ANAPC15: variants seen among roughly 807,000 people sequenced by gnomAD.
ANAPC15 encodes the protein anaphase promoting complex subunit 15, also known as anaphase-promoting complex subunit 15.
In ANAPC15, 13 loss-of-function variants were observed where a neutral mutation model predicts 19.8. The ratio of observed to expected loss-of-function variants is 0.66; its 90% CI spans 0.43 to 1.04. ANAPC15 has a LOEUF of 1.04. Ranked by LOEUF, ANAPC15 falls within the 50% of genes least tolerant of loss-of-function variation. ANAPC15 has a pLI of 0.00. For synonymous variants in ANAPC15, 45 were observed against 50.7 expected, an observed-to-expected ratio of 0.89 and a Z score of 0.47; for missense variants, 88 against 150.3, an observed-to-expected ratio of 0.59 and a Z score of 2.17.
At position 72,111,146 on chromosome 11, in the gene ANAPC15, T is replaced by G. The variant is rs935782959; in HGVS notation, c.120+11A>C. Reference sequence around the variant, plus strand: ...GCTGAGGTCTCTGTGCTGTGCTAGCTGCTCACTCACCCAGGCCTGATGCTG... The same window carrying G: ...GCTGAGGTCTCTGTGCTGTGCTAGCGGCTCACTCACCCAGGCCTGATGCTG... On this transcript the variant is annotated intron_variant, in intron 3 of 5. Transcript: ENST00000227618. The G allele has an allele frequency of 6.5e-7, 1 of 1,538,448 alleles. No individual in the cohort carries two copies. The highest frequency in any genetic ancestry group is 9.0e-7 in the Non-Finnish European group (1 of 1,111,256).
At position 72,111,166 on chromosome 11, in the gene ANAPC15, A is replaced by ATGCTGCTGTTCCTGC; in HGVS notation, c.96_110dup (p.Gln32_Gln36dup). 1 of 1,596,204 alleles carries ATGCTGCTGTTCCTGC rather than the reference A, an allele frequency of 6.3e-7. No individual in the cohort carries two copies. Among genetic ancestry groups the ATGCTGCTGTTCCTGC allele is most frequent in the Non-Finnish European group, 8.6e-7 (1 of 1,164,338 alleles). On this transcript the variant is annotated inframe_insertion, in exon 3 of 6. Coordinates refer to ENST00000227618, the MANE Select transcript of ANAPC15 (RefSeq NM_014042.3). ...CTAGCTGCTCACTCACCCAGGCCTG[A>ATGCTGCTGTTCCTGC]TGCTGCTGTTCCTGCTGCTGCAGCT...
intron 3 of ANAPC15, 59 bp from the exon 4 acceptor site, chr11:72,110,662 T>C: frequency 6.3e-7 from 1 of 1,599,496 alleles, no homozygotes. Flanking sequence ...GTCAGGGGCA[T>C]GGGACTGGCC....
downstream of ANAPC15, chr11:72,108,629 G>T: frequency 6.7e-7 from 1 of 1,489,554 alleles, no homozygotes. Flanking sequence ...GGGCAGCTCA[G>T]AGGACGTGAT....
At chr11:72,107,166 C>A, downstream of ANAPC15, 1 of 437,110 alleles carries the variant, frequency 2.3e-6, no homozygotes, top group South Asian at 3.9e-5. Flanking sequence ...ACTGGAAATG[C>A]TGAGGTGGGA....
rs769123440 is a variant in ANAPC15, at chr11:72,110,533, G to C, written c.180+11C>G. On this transcript the variant is annotated intron_variant, in intron 4 of 5. Transcript: ENST00000227618. ...GCCCCCACACAGGCCCCACCTGCTA[G>C]AGCCACTCACCTCTGAGGCTGGCTT... 17 of 1,614,064 alleles carry C rather than the reference G, an allele frequency of 1.1e-5. No individual in the cohort carries two copies. The highest frequency in any genetic ancestry group is 1.4e-5 in the Non-Finnish European group (17 of 1,180,036).
chr11:72,106,984 G>A (rs1945753211), downstream of ANAPC15: 1 of 158,788 alleles, frequency 6.3e-6, no homozygotes, highest in South Asian at 2.0e-4. Flanking sequence ...GAAATTCACT[G>A]GCTGGGCATG....
chr11:72,110,553 T>C lies in ANAPC15; in HGVS notation c.171A>G (p.Pro57=). ...TGCTAGAGCCACTCACCTCTGAGGCTGGCTTGCCAATAGGAACCAGGTTGT... is the reference window on the plus strand; with the variant it reads ...TGCTAGAGCCACTCACCTCTGAGGCCGGCTTGCCAATAGGAACCAGGTTGT... ...KDNNLVPIGK[P]ASEHYDDEEE... The change falls in exon 4 of 6, where the codon CCA becomes CCG. Residue 57 remains proline, a synonymous_variant. Transcript: ENST00000227618. 1 of 1,614,236 alleles carries C rather than the reference T, an allele frequency of 6.2e-7. No homozygotes were observed. Among genetic ancestry groups the C allele is most frequent in the African/African-American group, 1.3e-5 (1 of 75,048 alleles).
At chr11:72,106,436 G>A, downstream of ANAPC15, 1 of 458,714 alleles carries the variant, frequency 2.2e-6, no homozygotes, top group Admixed American at 3.9e-5. Flanking sequence ...CCAGGGAGAG[G>A]GGTAGAGGCC....
downstream of ANAPC15, chr11:72,108,505 TA>T: frequency 1.9e-6 from 2 of 1,079,764 alleles, no homozygotes; most frequent in Non-Finnish European, 2.6e-6. Context: ...CATGGGAAGC[TA>T]AGCCAGGACC....
At chr11:72,110,510 C>T in intron 4 of ANAPC15, 34 bp downstream of exon 4, 4 of 1,613,504 alleles carry the variant, frequency 2.5e-6, no homozygotes, top group African/African-American at 2.7e-5. Flanking sequence ...CCACTGCGGC[C>T]CCCACACAGG....
At position 72,112,691 on chromosome 11, in the gene ANAPC15, C is replaced by A. The variant is rs1282688121; in HGVS notation, c.-137G>T. 2.2e-6 allele frequency: 1 copy of A among 456,724 alleles called. No individual in the cohort carries two copies. Among genetic ancestry groups the A allele is most frequent in the Admixed American group, 2.3e-5 (1 of 42,580 alleles). The allele number at this position is 456,724 out of a possible 1,614,324, so 28.3% of individuals were successfully genotyped here. A position where few individuals can be genotyped will look rare whatever the true frequency, so the allele number is the denominator to read the frequency against. On this transcript the variant is annotated 5_prime_UTR_variant, in exon 1 of 6. Coordinates refer to ENST00000227618, the MANE Select transcript of ANAPC15 (RefSeq NM_014042.3). ...TGCCGGCGGCGACCCGGAAGCGCTT[C>A]ACCCAGCCTGAGCGGAAGAACCCAC...
Position 72,111,421 on chromosome 11 carries a change from A to G in ANAPC15, c.-20T>C. The G allele has an allele frequency of 1.5e-6, 1 of 669,986 alleles. No homozygotes were observed. Among genetic ancestry groups the G allele is most frequent in the South Asian group, 1.8e-5 (1 of 55,846 alleles). 41.5% of individuals were successfully genotyped at this position (669,986 alleles called of 1,614,324 possible). A position where few individuals can be genotyped will look rare whatever the true frequency, so the allele number is the denominator to read the frequency against. On this transcript the variant is annotated 5_prime_UTR_variant, in exon 2 of 6. Transcript: ENST00000227618. ...TAGGAATCAGACAGACCTGGCTTTG[A>G]GTCCTGGCTCCACCACTTACTAGCT...
At chr11:72,110,508 G>A (rs1946485848) in intron 4 of ANAPC15, 36 bp downstream of exon 4, 10 of 1,612,898 alleles carry the variant, frequency 6.2e-6, no homozygotes, top group Non-Finnish European at 8.5e-6. Context: ...GTCCACTGCG[G>A]CCCCCACACA....
intron 1 of ANAPC15, 36 bp from the exon 2 acceptor site, chr11:72,111,532 C>CA: frequency 2.9e-6 from 1 of 346,700 alleles, no homozygotes; most frequent in Non-Finnish European, 5.4e-6. Context: ...ATACCACTGT[C>CA]AAAGTTATTC....
downstream of ANAPC15, chr11:72,107,693 G>A (rs1458478764): frequency 8.1e-6 from 5 of 616,740 alleles, no homozygotes; most frequent in Admixed American, 8.3e-5. Context: ...CAGCTCACAG[G>A]AGCCAAGGAG....
At chr11:72,111,347 T>C in intron 2 of ANAPC15, 61 bp from the exon 3 acceptor site, 1 of 1,352,170 alleles carries the variant, frequency 7.4e-7, no homozygotes, top group South Asian at 1.2e-5. Flanking sequence ...TTGGTTGTAA[T>C]TTGATTTAGG....
downstream of ANAPC15, chr11:72,109,551 T>C (rs1050100190): frequency 4.5e-6 from 2 of 442,726 alleles, no homozygotes; most frequent in Admixed American, 6.9e-5. Flanking sequence ...GCTGGACTCC[T>C]CTGGGCCCCA....
rs1195418451 is a variant in ANAPC15, at chr11:72,110,118, A to G, written c.288T>C (p.Asn96=). The part of the protein sequence containing the change: ...MQDMDEMNDY[N]ESPDDGEVNE... ...TGACCTCTCCATCATCCGGTGACTC[A>G]TTGTAGTCATTCATCTCGTCCATGT... Residue 96 remains asparagine (N), a synonymous_variant, in exon 5 of 6, where the codon AAT becomes AAC. Coordinates refer to ENST00000227618, the MANE Select transcript of ANAPC15 (RefSeq NM_014042.3). 1 of 1,614,142 alleles carries G rather than the reference A, an allele frequency of 6.2e-7. No individual in the cohort carries two copies. The highest frequency in any genetic ancestry group is 1.3e-5 in the African/African-American group (1 of 75,008).
At chr11:72,110,001 A>C in intron 5 of ANAPC15, 73 bp from the exon 6 acceptor site, 2 of 1,613,978 alleles carry the variant, frequency 1.2e-6, no homozygotes, top group Non-Finnish European at 1.7e-6. Context: ...CCCTGGCTGG[A>C]TCCAGGGTTT....
Sources: gnomAD v4.1 joint callset for allele counts on GRCh38, gnomAD v4.1.1 for gene constraint, MANE v1.5 for transcripts, NCBI Gene and HGNC (gene_info 2026-07-23, HGNC 2026-07-21) for gene names.